Variants in TMEM132E observed in about 807,000 individuals in gnomAD.
TMEM132E encodes transmembrane protein 132E.
In TMEM132E, 49 loss-of-function variants were observed where a neutral mutation model predicts 78.5. That is an observed-to-expected ratio of 0.62 (90% CI 0.50 to 0.79). The LOEUF (loss-of-function observed/expected upper bound fraction) is 0.79. Ranked by LOEUF, TMEM132E falls within the 30% of genes least tolerant of loss-of-function variation. TMEM132E has a pLI of 0.00. For missense variants in TMEM132E, 1,403 were observed against 1,470.9 expected, an observed-to-expected ratio of 0.95 and a Z score of 0.75; for synonymous variants, 715 against 670.6, an observed-to-expected ratio of 1.07 and a Z score of -1.02.
intron 1 of TMEM132E, among the ~76,000 whole-genome samples, chr17:34,582,521 G>A (rs201136077): frequency 6.9e-6 from 1 of 145,316 alleles, no homozygotes; most frequent in South Asian, 2.2e-4. Flanking sequence ...ACCAGGGGGG[G>A]TTGTTTTGCG....
Position 34,608,846 on chromosome 17 carries a change from C to T in TMEM132E, c.68-17281C>T, listed in dbSNP as rs142619100. Among the ~76,000 whole-genome samples, 91 of 152,246 alleles carry T rather than the reference C, an allele frequency of 6.0e-4. No homozygotes were observed. The East Asian group carries it at 0.014, about 24-fold the overall frequency. ...ATAGGGAACCTCAAAAATGTCCAGC[C>T]GAATACCCCGTCTGATTATTGTAGT... On this transcript the variant is annotated intron_variant, in intron 1 of 8. Coordinates refer to ENST00000631683, the MANE Select transcript of TMEM132E (RefSeq NM_001304438.2).
chr17:34,637,968 C>A lies in TMEM132E; in HGVS notation c.2961C>A (p.Gly987=). 1 of 1,599,798 alleles carries A rather than the reference C, an allele frequency of 6.3e-7. No homozygotes were observed. Among genetic ancestry groups the A allele is most frequent in the Admixed American group, 1.7e-5 (1 of 58,596 alleles). Residue 987 remains glycine (G), a synonymous_variant, in exon 9 of 9, where the codon GGC becomes GGA. Coordinates refer to ENST00000631683, the MANE Select transcript of TMEM132E (RefSeq NM_001304438.2). ...TCCAGAGCCAGGTGCACGGCAGGGG[C>A]GACGGCTCCTCGGGCGGCTCAGCCC... ...TSVQSQVHGR[G]DGSSGGSARD...
intron 1 of TMEM132E, among the ~76,000 whole-genome samples, chr17:34,607,932 A>C (rs1052138231): frequency 6.6e-6 from 1 of 152,172 alleles, no homozygotes; most frequent in African/African-American, 2.4e-5. Context: ...GGAGACCTCC[A>C]AACCCCGTAG....
Position 34,580,382 on chromosome 17 carries a change from G to C in TMEM132E, c.-695G>C, listed in dbSNP as rs1054458641. The C allele has an allele frequency of 2.6e-5, 4 of 152,442 alleles. No individual in the cohort carries two copies. The highest frequency in any genetic ancestry group is 7.2e-5 in the African/African-American group (3 of 41,470). 9.4% of individuals were successfully genotyped at this position (152,442 alleles called of 1,614,324 possible). ...CTGGAGAAAGCGCGCTGGAGCGGAG[G>C]AGCGAGCCTTGCGAGGGGACAAACA... On this transcript the variant is annotated 5_prime_UTR_variant, in exon 1 of 9. Coordinates refer to ENST00000631683, the MANE Select transcript of TMEM132E (RefSeq NM_001304438.2).
chr17:34,625,622 T>TGATC (rs1199152546), intron 1 of TMEM132E, among the ~76,000 whole-genome samples: 3,541 of 152,170 alleles, frequency 0.023, 144 homozygotes, highest in African/African-American at 0.08. Context: ...CCTCAGAGCA[T>TGATC]TGATCTGAGG....
At chr17:34,629,360 T>C (rs569300826) in intron 4 of TMEM132E, among the ~76,000 whole-genome samples, 156 bp downstream of exon 4, 5 of 152,236 alleles carry the variant, frequency 3.3e-5, no homozygotes, top group Non-Finnish European at 1.5e-5. Flanking sequence ...TGTGAGAAGG[T>C]GCATGCATGT....
chr17:34,614,240 G>A (rs2240729), intron 1 of TMEM132E, among the ~76,000 whole-genome samples: 100,761 of 152,000 alleles, frequency 0.66, 33,479 homozygotes, highest in Admixed American at 0.74. Flanking sequence ...CTGCACAGCC[G>A]CTGGCCAACT....
chr17:34,599,576 G>A (rs936728099), intron 1 of TMEM132E, among the ~76,000 whole-genome samples: 6 of 152,196 alleles, frequency 3.9e-5, no homozygotes, highest in African/African-American at 1.2e-4. Context: ...TGCAGGGAAA[G>A]GCAACACTTT....
chr17:34,627,467 C>CGTGTGCGTGTGTGTGTGTGTGTGT (rs146318983), intron 2 of TMEM132E, among the ~76,000 whole-genome samples: 19 of 126,540 alleles, frequency 1.5e-4, no homozygotes, highest in African/African-American at 5.4e-4. Flanking sequence ...CCAAAAGAAT[C>CGTGTGCGTGTGTGTGTGTGTGTGT]GTGTGTGTGT....
intron 1 of TMEM132E, among the ~76,000 whole-genome samples, chr17:34,600,314 T>C (rs954434994): frequency 5.3e-5 from 8 of 152,240 alleles, no homozygotes; most frequent in Non-Finnish European, 8.8e-5. Flanking sequence ...GAACTGCTAC[T>C]GATAATATAG....
At chr17:34,606,157 C>T (rs573775575) in intron 1 of TMEM132E, among the ~76,000 whole-genome samples, 1 of 152,188 alleles carries the variant, frequency 6.6e-6, no homozygotes, top group South Asian at 2.1e-4. Context: ...CCAGCCTGAC[C>T]AACCTGGTGA....
rs1332669356 is a variant in TMEM132E, at chr17:34,638,604, C to T, written c.*372C>T. 9.7e-6 allele frequency: 2 copies of T among 207,116 alleles called. No homozygotes were observed. The highest frequency in any genetic ancestry group is 1.9e-5 in the Non-Finnish European group (2 of 103,942). 12.8% of individuals were successfully genotyped at this position (207,116 alleles called of 1,614,324 possible). On this transcript the variant is annotated 3_prime_UTR_variant, in exon 9 of 9. Transcript: ENST00000631683. The stretch of plus-strand genomic sequence containing the variant: ...GGCCCACGCTGTGTCCCGGGCCCGC[C>T]TCCCGTCCCCCGTGTCGTCCCCCTG...
At chr17:34,611,264 G>A (rs997716720) in intron 1 of TMEM132E, among the ~76,000 whole-genome samples, 6 of 152,228 alleles carry the variant, frequency 3.9e-5, no homozygotes, top group Admixed American at 1.3e-4. Flanking sequence ...GAGCAGGCAG[G>A]GGTGGGACAA....
At chr17:34,594,255 G>A (rs1209033513) in intron 1 of TMEM132E, among the ~76,000 whole-genome samples, 2 of 152,202 alleles carry the variant, frequency 1.3e-5, no homozygotes, top group East Asian at 3.9e-4. Context: ...ATGAATGAAT[G>A]AACCTGGGAG....
chr17:34,581,363 G>A (rs1233886541), intron 1 of TMEM132E, among the ~76,000 whole-genome samples: 3 of 148,010 alleles, frequency 2.0e-5, no homozygotes, highest in African/African-American at 4.9e-5. Flanking sequence ...GTGGGGGGAG[G>A]GTGTCGCTCC....
rs1253265912 is a variant in TMEM132E at position 34,580,254 on chromosome 17, G to A, written c.-823G>A. 2 of 152,308 alleles carry A rather than the reference G, an allele frequency of 1.3e-5. No homozygotes were observed. Among genetic ancestry groups the A allele is most frequent in the South Asian group, 2.1e-4 (1 of 4,834 alleles). The allele number at this position is 152,308 out of a possible 1,614,324, so 9.4% of individuals were successfully genotyped here. A position where few individuals can be genotyped will look rare whatever the true frequency, so the allele number is the denominator to read the frequency against. On this transcript the variant is annotated 5_prime_UTR_variant, in exon 1 of 9. Coordinates refer to ENST00000631683, the MANE Select transcript of TMEM132E (RefSeq NM_001304438.2). ...CGCTTCTCCAAGCCCCATCTACATG[G>A]GGCAGCCCGTTCTGGCCGCGCCACC... is the stretch of plus-strand genomic sequence containing the variant.
At chr17:34,590,664 G>A (rs1005446256) in intron 1 of TMEM132E, among the ~76,000 whole-genome samples, 3 of 152,130 alleles carry the variant, frequency 2.0e-5, no homozygotes, top group African/African-American at 7.2e-5. Flanking sequence ...GTGGGAGAGA[G>A]CCAAAATGCC....
intron 1 of TMEM132E, among the ~76,000 whole-genome samples, chr17:34,584,541 G>A (rs563690501): frequency 3.3e-5 from 5 of 152,326 alleles, no homozygotes; most frequent in South Asian, 2.1e-4. Flanking sequence ...TGATCCCCAC[G>A]TTCTTGCATT....
chr17:34,588,501 C>T (rs916421241), intron 1 of TMEM132E, among the ~76,000 whole-genome samples: 10 of 152,180 alleles, frequency 6.6e-5, no homozygotes, highest in East Asian at 1.9e-4. Context: ...CACACAGAGA[C>T]GTTGTCACTC....
Sources: allele counts gnomAD v4.1 joint callset (sites outside exome capture counted in the v4.1 genomes callset), GRCh38; gene constraint gnomAD v4.1.1; transcripts MANE v1.5; gene names NCBI Gene and HGNC (gene_info 2026-07-23, HGNC 2026-07-21).